The following BAZ1B variants were observed in gnomAD, a reference collection of about 807,000 sequenced individuals.
BAZ1B encodes the protein tyrosine-protein kinase BAZ1B.
In BAZ1B, 22 loss-of-function variants were observed where a neutral mutation model predicts 153.8. The ratio of observed to expected loss-of-function variants is 0.14; its 90% CI spans 0.10 to 0.20. The LOEUF (loss-of-function observed/expected upper bound fraction) is 0.20. Among genes scored for constraint, BAZ1B ranks in the 10% least tolerant of loss-of-function variants. The pLI is 1.00. For missense variants in BAZ1B, 1,325 were observed against 1,799.3 expected, an observed-to-expected ratio of 0.74 and a Z score of 4.77; for synonymous variants, 676 against 633.4, an observed-to-expected ratio of 1.07 and a Z score of -1.01.
intron 3 of BAZ1B, among the ~76,000 whole-genome samples, chr7:73,499,995 A>C (rs1790061276): frequency 1.3e-5 from 2 of 152,018 alleles, no homozygotes; most frequent in Admixed American, 1.3e-4. Context: ...TATTGTTTTA[A>C]AGAAATGAGA....
chr7:73,458,504 C>T (rs945104079), intron 13 of BAZ1B, among the ~76,000 whole-genome samples: 5 of 151,644 alleles, frequency 3.3e-5, no homozygotes, highest in African/African-American at 7.3e-5. Flanking sequence ...GGTGAAACCC[C>T]GTCTCTACAA....
At chr7:73,449,450 C>T (rs1787952669) in intron 15 of BAZ1B, 92 bp downstream of exon 15, 1 of 1,420,854 alleles carries the variant, frequency 7.0e-7, no homozygotes, top group Non-Finnish European at 9.3e-7. Flanking sequence ...CTTAAAGCTC[C>T]TTAGATTCAT....
At chr7:73,442,661 T>G in intron 18 of BAZ1B, 64 bp downstream of exon 18, 1 of 1,565,906 alleles carries the variant, frequency 6.4e-7, no homozygotes, top group Non-Finnish European at 8.7e-7. Flanking sequence ...CCTCAGGGGC[T>G]CTGGAAGCTT....
At position 73,498,442 on chromosome 7, in the gene BAZ1B, TAATAA is replaced by T. The variant is rs1309908179; in HGVS notation, c.571+50_571+54del. ...TAGAGAACCCTAAAAGATGTGTTCA[TAATAA>T]AATAAACAGGATCTCATAAAACACT... On this transcript the variant is annotated intron_variant, in intron 4 of 19. Transcript: ENST00000339594. 9.8e-6 allele frequency: 15 copies of T among 1,524,570 alleles called. No individual in the cohort carries two copies. In the Middle Eastern group the frequency reaches 7.6e-4, roughly 77 times the overall value. 94.4% of individuals were successfully genotyped at this position (1,524,570 alleles called of 1,614,324 possible). A position where few individuals can be genotyped will look rare whatever the true frequency, so the allele number is the denominator to read the frequency against.
rs781786251 is a variant in BAZ1B, at chr7:73,521,907, G to C, written c.27C>G (p.Pro9=). 6.0e-6 allele frequency: 9 copies of C among 1,491,224 alleles called. No individual in the cohort carries two copies. In the East Asian group the frequency reaches 1.2e-4, roughly 20 times the overall value. 92.4% of individuals were successfully genotyped at this position (1,491,224 alleles called of 1,614,324 possible). MAPLLGRK[P]FPLVKPLPGE... The stretch of plus-strand genomic sequence containing the variant: ...CGGGCAACGGCTTCACCAGCGGGAA[G>C]GGCTTGCGGCCCAGGAGCGGCGCCA... Residue 9 remains proline (P), a synonymous_variant, in exon 1 of 20, where the codon CCC becomes CCG. Transcript: ENST00000339594.
chr7:73,481,397 G>C (rs1229447949), intron 6 of BAZ1B, among the ~76,000 whole-genome samples: 1 of 151,522 alleles, frequency 6.6e-6, no homozygotes, highest in Non-Finnish European at 1.5e-5. Flanking sequence ...GGCGCCTGTA[G>C]TCCCAGCTAC....
intron 15 of BAZ1B, among the ~76,000 whole-genome samples, chr7:73,448,168 G>A (rs1284446460): frequency 4.6e-5 from 7 of 152,204 alleles, no homozygotes; most frequent in Non-Finnish European, 7.3e-5. Flanking sequence ...GCTGGGTGTG[G>A]TGGCGCATGC....
chr7:73,508,205 C>T, intron 3 of BAZ1B, 122 bp downstream of exon 3: 3 of 1,113,676 alleles, frequency 2.7e-6, no homozygotes, highest in Non-Finnish European at 2.5e-6. Flanking sequence ...AGTATTAATA[C>T]TTAACATTAA....
intron 11 of BAZ1B, chr7:73,464,182 T>G: frequency 1.0e-6 from 1 of 984,622 alleles, no homozygotes; most frequent in Non-Finnish European, 1.2e-6. Context: ...ATTTTCCTTC[T>G]CTCTTCCATC....
chr7:73,471,725 C>T (rs1187820631), intron 7 of BAZ1B, among the ~76,000 whole-genome samples: 1 of 152,106 alleles, frequency 6.6e-6, no homozygotes, highest in African/African-American at 2.4e-5. Flanking sequence ...ATGCATCTGT[C>T]TAAAGATGTT....
intron 13 of BAZ1B, among the ~76,000 whole-genome samples, chr7:73,455,972 T>C (rs1788183769): frequency 6.6e-6 from 1 of 152,134 alleles, no homozygotes; most frequent in African/African-American, 2.4e-5. Context: ...CACCAAACTA[T>C]TAAAAAAGTG....
At chr7:73,518,297 C>A (rs1246458782) in intron 1 of BAZ1B, among the ~76,000 whole-genome samples, 2 of 151,558 alleles carry the variant, frequency 1.3e-5, no homozygotes, top group African/African-American at 4.8e-5. Flanking sequence ...CCTGTAGTCC[C>A]AGCTACTCAG....
At chr7:73,499,424 A>T (rs1790040060) in intron 3 of BAZ1B, among the ~76,000 whole-genome samples, 1 of 151,942 alleles carries the variant, frequency 6.6e-6, no homozygotes, top group Non-Finnish European at 1.5e-5. Flanking sequence ...TTACCTTTCC[A>T]CCTCTATCAA....
chr7:73,447,162 T>C (rs1378371312), intron 16 of BAZ1B, 102 bp downstream of exon 16: 12 of 1,599,238 alleles, frequency 7.5e-6, no homozygotes, highest in East Asian at 2.2e-5. Flanking sequence ...AGAAAAGGAA[T>C]AGGGCAAGCC....
chr7:73,521,110 T>A (rs1554580117), intron 1 of BAZ1B, among the ~76,000 whole-genome samples: 1 of 152,218 alleles, frequency 6.6e-6, no homozygotes, highest in Non-Finnish European at 1.5e-5. Context: ...TTTTTTTGTT[T>A]GTTTAATTTT....
Position 73,449,622 on chromosome 7 carries a change from C to T in BAZ1B, c.3648G>A (p.Pro1216=), listed in dbSNP as rs1554567671. The T allele has an allele frequency of 5.0e-6, 8 of 1,614,120 alleles. No homozygotes were observed. Among genetic ancestry groups the T allele is most frequent in the Non-Finnish European group, 6.8e-6 (8 of 1,180,020 alleles). Residue 1216 remains proline, a synonymous_variant, in exon 15 of 20, where the codon CCG becomes CCA. Transcript: ENST00000339594. The part of the protein sequence containing the change: ...NKAFHLFCLR[P]ALYEVPDGEW... ...CACCATCTGGTACTTCATAGAGGGC[C>T]GGCCTCAGACAAAACAGGTGGAAGG... is the stretch of plus-strand genomic sequence containing the variant.
chr7:73,502,865 G>T (rs1790191262), intron 3 of BAZ1B, among the ~76,000 whole-genome samples: 1 of 152,176 alleles, frequency 6.6e-6, no homozygotes, highest in Admixed American at 6.5e-5. Context: ...CCTCCTGACA[G>T]TGATAACAAA....
intron 4 of BAZ1B, among the ~76,000 whole-genome samples, chr7:73,496,285 G>C (rs1247021715): frequency 1.3e-5 from 2 of 152,148 alleles, no homozygotes; most frequent in Admixed American, 6.6e-5. Flanking sequence ...ACAGACGTTA[G>C]CATTCACAAT....
chr7:73,459,000 G>C (rs1788297076), intron 13 of BAZ1B, among the ~76,000 whole-genome samples: 1 of 152,158 alleles, frequency 6.6e-6, no homozygotes, highest in Non-Finnish European at 1.5e-5. Flanking sequence ...TGTAATCCCA[G>C]CACATTGGGA....
Sources: allele counts gnomAD v4.1 joint callset (sites outside exome capture counted in the v4.1 genomes callset), GRCh38; gene constraint gnomAD v4.1.1; transcripts MANE v1.5; gene names NCBI Gene and HGNC (gene_info 2026-07-23, HGNC 2026-07-21).